The following PCDH15 variants were observed in gnomAD, a reference collection of about 807,000 sequenced individuals.
PCDH15 encodes protocadherin related 15, also known as protocadherin-15.
In PCDH15, 129 loss-of-function variants were observed where a neutral mutation model predicts 178.5. The ratio of observed to expected loss-of-function variants is 0.72; its 90% CI spans 0.63 to 0.84. The LOEUF (loss-of-function observed/expected upper bound fraction) is 0.84. Among genes scored for constraint, PCDH15 ranks in the 40% least tolerant of loss-of-function variants. PCDH15 has a pLI of 0.00. For synonymous variants in PCDH15, 800 were observed against 732.0 expected, an observed-to-expected ratio of 1.09 and a Z score of -1.50; for missense variants, 2,230 against 2,099.9, an observed-to-expected ratio of 1.06 and a Z score of -1.21.
chr10:54,416,810 C>A (rs926781151), intron 3 of PCDH15, among the ~76,000 whole-genome samples: 51 of 152,064 alleles, frequency 3.4e-4, no homozygotes, highest in Non-Finnish European at 2.9e-5. Flanking sequence ...TTTTAATAGT[C>A]GCTATTCTGA....
intron 2 of PCDH15, among the ~76,000 whole-genome samples, chr10:55,383,817 A>T (rs1045673820): frequency 2.0e-5 from 3 of 152,158 alleles, no homozygotes; most frequent in Non-Finnish European, 4.4e-5. Context: ...TATACCTAGG[A>T]TTCCAGAAAA....
chr10:55,115,408 C>A (rs1047449852), intron 2 of PCDH15, among the ~76,000 whole-genome samples: 1 of 152,158 alleles, frequency 6.6e-6, no homozygotes, highest in Admixed American at 6.5e-5. Flanking sequence ...AAGCATTCAG[C>A]GTTGGAACAA....
intron 2 of PCDH15, among the ~76,000 whole-genome samples, chr10:54,899,853 AT>A (rs1295414382): frequency 2.9e-5 from 2 of 69,198 alleles, no homozygotes; most frequent in African/African-American, 1.3e-4. Context: ...GGAATGACAT[AT>A]TTTTCAAATA....
chr10:54,932,527 T>G (rs563127229), intron 2 of PCDH15, among the ~76,000 whole-genome samples: 1 of 152,314 alleles, frequency 6.6e-6, no homozygotes, highest in Non-Finnish European at 1.5e-5. Flanking sequence ...GGCAATTTTA[T>G]AAGTTTAGTG....
Position 53,804,233 on chromosome 10 carries a change from A to G in PCDH15, c.*2346T>C, listed in dbSNP as rs568829188. Reference sequence around the variant, plus strand: ...ATGATTGTTTTTACTGAAATGATCAAGTTTAAATTACTGAAATGTGTCTGC... The same window carrying G: ...ATGATTGTTTTTACTGAAATGATCAGGTTTAAATTACTGAAATGTGTCTGC... On this transcript the variant is annotated 3_prime_UTR_variant, in exon 38 of 38. Coordinates refer to ENST00000644397, the MANE Select transcript of PCDH15 (RefSeq NM_001384140.1). 6.6e-6 allele frequency: 1 copy of G among 152,092 alleles called. No homozygotes were observed. The highest frequency in any genetic ancestry group is 2.1e-4 in the South Asian group (1 of 4,822). The allele number at this position is 152,092 out of a possible 1,614,324, so 9.4% of individuals were successfully genotyped here.
In PCDH15 at chr10:54,023,141, A is replaced by G. The variant is rs1565043296; in HGVS notation, c.2277T>C (p.Phe759=). 1 of 1,613,912 alleles carries G rather than the reference A, an allele frequency of 6.2e-7. No individual in the cohort carries two copies. Among genetic ancestry groups the G allele is most frequent in the Non-Finnish European group, 8.5e-7 (1 of 1,179,894 alleles). The change falls in exon 19 of 38, where the codon TTT becomes TTC. Residue 759 remains phenylalanine (F), a synonymous_variant. Coordinates refer to ENST00000644397, the MANE Select transcript of PCDH15 (RefSeq NM_001384140.1). ...TGGATGTGATACGAAAAAGATTATT[A>G]AAGTTACCCAAACTGTAGTGCACTT... ...NGQVHYSLGN[F]NNLFRITSNG...
chr10:54,943,019 A>G (rs1165759144), intron 2 of PCDH15, among the ~76,000 whole-genome samples: 1 of 152,000 alleles, frequency 6.6e-6, no homozygotes, highest in African/African-American at 2.4e-5. Context: ...TGCTGAATTT[A>G]TTCCATGATT....
intron 2 of PCDH15, among the ~76,000 whole-genome samples, chr10:55,512,182 C>T (rs141586351): frequency 5.9e-5 from 9 of 151,966 alleles, no homozygotes; most frequent in Admixed American, 5.3e-4. Flanking sequence ...AATACTGACT[C>T]GTGGAAATTT....
rs766181001 is a variant in PCDH15, at chr10:54,234,104, G to A, written c.985+2719C>T. On this transcript the variant is annotated intron_variant, in intron 9 of 37. Transcript: ENST00000644397. Reference sequence around the variant, plus strand: ...AAAATTAAGAGTTTTGACAAAGTACGTGAAGTCAGAGTCATGGATATCCCC... The same window carrying A: ...AAAATTAAGAGTTTTGACAAAGTACATGAAGTCAGAGTCATGGATATCCCC... 1.5e-4 allele frequency among the ~76,000 whole-genome samples: 23 copies of A among 151,006 alleles called. No individual in the cohort carries two copies. In the Middle Eastern group the frequency reaches 0.01, roughly 68 times the overall value.
chr10:54,404,202 T>C (rs1362893711), intron 3 of PCDH15, among the ~76,000 whole-genome samples: 1 of 151,798 alleles, frequency 6.6e-6, no homozygotes, highest in African/African-American at 2.4e-5. Flanking sequence ...AAAAAGGACC[T>C]GAATAGCCAA....
chr10:55,077,499 TTTCC>T (rs1264815016), intron 2 of PCDH15, among the ~76,000 whole-genome samples: 92 of 148,242 alleles, frequency 6.2e-4, no homozygotes, highest in East Asian at 2.4e-3. Context: ...CCTTCTTTCC[TTTCC>T]TTCCTTCCTT....
chr10:54,583,745 T>G (rs1419565133), intron 2 of PCDH15, among the ~76,000 whole-genome samples: 4 of 152,174 alleles, frequency 2.6e-5, no homozygotes, highest in African/African-American at 7.2e-5. Flanking sequence ...AATTGATTTT[T>G]TTCTGCTTTC....
chr10:54,143,060 A>G (rs6481062), intron 14 of PCDH15, among the ~76,000 whole-genome samples: 1 of 151,888 alleles, frequency 6.6e-6, no homozygotes, highest in East Asian at 1.9e-4. Flanking sequence ...TGTGAACTCA[A>G]ACCAACCTTT....
At chr10:55,433,006 A>G (rs1435512455) in intron 2 of PCDH15, among the ~76,000 whole-genome samples, 1 of 150,338 alleles carries the variant, frequency 6.7e-6, no homozygotes, top group Non-Finnish European at 1.5e-5. Flanking sequence ...CCTGAGTGAC[A>G]GAGCAAGACT....
intron 2 of PCDH15, among the ~76,000 whole-genome samples, chr10:55,063,589 G>C (rs1404864427): frequency 6.6e-6 from 1 of 152,004 alleles, no homozygotes; most frequent in Non-Finnish European, 1.5e-5. Context: ...GTATATGTGT[G>C]CATGTTTGTA....
At chr10:54,272,328 A>T (rs1034100372) in intron 8 of PCDH15, among the ~76,000 whole-genome samples, 1 of 151,876 alleles carries the variant, frequency 6.6e-6, no homozygotes, top group African/African-American at 2.4e-5. Context: ...CAGCTATCAA[A>T]TCATTCAGGA....
chr10:54,155,315 G>A (rs2044995150), intron 13 of PCDH15, among the ~76,000 whole-genome samples: 1 of 152,048 alleles, frequency 6.6e-6, no homozygotes, highest in Non-Finnish European at 1.5e-5. Flanking sequence ...AAATAGTACT[G>A]CAAAACACAG....
At chr10:55,543,251 A>G (rs562619813) in intron 2 of PCDH15, among the ~76,000 whole-genome samples, 1 of 150,782 alleles carries the variant, frequency 6.6e-6, no homozygotes, top group South Asian at 2.1e-4. Context: ...GTGTCTATAT[A>G]TATAATATGT....
chr10:55,345,458 C>T (rs570449695), intron 2 of PCDH15, among the ~76,000 whole-genome samples: 3 of 151,960 alleles, frequency 2.0e-5, no homozygotes, highest in Non-Finnish European at 4.4e-5. Context: ...AACTATATAG[C>T]ACCACTTCAA....
Sources: gnomAD v4.1 joint callset for allele counts (sites outside exome capture counted in the v4.1 genomes callset) on GRCh38, gnomAD v4.1.1 for gene constraint, MANE v1.5 for transcripts, NCBI Gene and HGNC (gene_info 2026-07-23, HGNC 2026-07-21) for gene names.